The following FCHO1 variants were observed in gnomAD, a reference collection of about 807,000 sequenced individuals.
FCHO1 encodes F-BAR domain only protein 1.
A neutral mutation model predicts 114.4 loss-of-function variants in FCHO1; 45 were observed. That is an observed-to-expected ratio of 0.39 (90% CI 0.31 to 0.50). FCHO1 has a LOEUF of 0.50. Ranked by LOEUF, FCHO1 falls within the 20% of genes least tolerant of loss-of-function variation. FCHO1 has a pLI of 0.77. For synonymous variants in FCHO1, 480 were observed against 488.9 expected (o/e 0.98, Z 0.24); for missense variants, 1,042 against 1,209.6 (o/e 0.86, Z 2.06).
intron 6 of FCHO1, among the ~76,000 whole-genome samples, chr19:17,765,882 C>CTTTTT (rs397859350): frequency 3.5e-4 from 21 of 60,158 alleles, no homozygotes; most frequent in South Asian, 7.0e-4. Flanking sequence ...CTTAGTCACT[C>CTTTTT]TTTTTTTTTT....
intron 6 of FCHO1, among the ~76,000 whole-genome samples, chr19:17,766,299 G>C (rs921363287): frequency 6.6e-6 from 1 of 150,904 alleles, no homozygotes; most frequent in Non-Finnish European, 1.5e-5. Context: ...GCCACACCCA[G>C]CTAATTTTTG....
At chr19:17,774,928 T>A in intron 13 of FCHO1, 128 bp from the exon 14 acceptor site, 1 of 1,037,042 alleles carries the variant, frequency 9.6e-7, no homozygotes, top group Non-Finnish European at 1.5e-6. Context: ...CCACCGCCTC[T>A]AGGGCTAGCT....
intron 6 of FCHO1, 194 bp from the exon 7 acceptor site, chr19:17,766,475 A>G (rs2089214107): frequency 3.2e-6 from 2 of 626,022 alleles, no homozygotes; most frequent in Admixed American, 3.0e-5. Context: ...GGGAGGAGCT[A>G]TAGAGCTCCC....
chr19:17,757,790 C>A (rs1373496599), intron 4 of FCHO1, among the ~76,000 whole-genome samples: 1 of 151,774 alleles, frequency 6.6e-6, no homozygotes. Flanking sequence ...GTGGCGCGCA[C>A]CTGTGGTCCC....
chr19:17,765,834 G>A (rs1338238170), intron 6 of FCHO1, among the ~76,000 whole-genome samples: 4 of 151,750 alleles, frequency 2.6e-5, no homozygotes, highest in African/African-American at 9.7e-5. Flanking sequence ...TCTGCTGAGT[G>A]GGGCAGGCCA....
At chr19:17,770,634 G>C (rs2091223799) in intron 8 of FCHO1, 57 bp downstream of exon 8, 1 of 1,586,438 alleles carries the variant, frequency 6.3e-7, no homozygotes, top group Non-Finnish European at 8.6e-7. Context: ...GGGGCTGCCT[G>C]ATCAGAGAGT....
chr19:17,750,718 C>CA (rs1416088234), upstream of FCHO1, among the ~76,000 whole-genome samples: 3 of 152,050 alleles, frequency 2.0e-5, no homozygotes, highest in Admixed American at 1.3e-4. Flanking sequence ...CTCGGCCTCC[C>CA]AAAGTGCTGG....
intron 1 of FCHO1, among the ~76,000 whole-genome samples, chr19:17,752,885 G>C (rs1406824739): frequency 6.6e-6 from 1 of 151,990 alleles, no homozygotes; most frequent in African/African-American, 2.4e-5. Flanking sequence ...CTGGGTGACA[G>C]AGCAAGAACC....
chr19:17,767,254 A>C (rs1318624098), intron 7 of FCHO1, among the ~76,000 whole-genome samples: 1 of 151,864 alleles, frequency 6.6e-6, no homozygotes, highest in Admixed American at 6.6e-5. Context: ...GCTAATTTTT[A>C]AAAAATGTTT....
At position 17,770,897 on chromosome 19, in the gene FCHO1, G is replaced by A. The variant is rs1429793168; in HGVS notation, c.594+1G>A. The A allele has an allele frequency of 6.2e-7, 1 of 1,613,416 alleles. No individual in the cohort carries two copies. Among genetic ancestry groups the A allele is most frequent in the Non-Finnish European group, 8.5e-7 (1 of 1,179,620 alleles). On this transcript the variant is annotated splice_donor_variant, in intron 9 of 28. Coordinates refer to ENST00000596536, the MANE Select transcript of FCHO1 (RefSeq NM_015122.3). LOFTEE classifies it high-confidence loss of function. ...GCAGAAGATGCTGGACTCAGCCCTGGTAAGAACCAGGCATCTGTACCTTTA... is the reference window on the plus strand; with the variant it reads ...GCAGAAGATGCTGGACTCAGCCCTGATAAGAACCAGGCATCTGTACCTTTA...
rs774175615 is a variant in FCHO1 at position 17,775,967 on chromosome 19, C to T, written c.1004-16C>T. 1 of 1,603,844 alleles carries T rather than the reference C, an allele frequency of 6.2e-7. No homozygotes were observed. Among genetic ancestry groups the T allele is most frequent in the South Asian group, 1.1e-5 (1 of 90,852 alleles). On this transcript the variant is annotated splice_polypyrimidine_tract_variant and intron_variant, in intron 15 of 28. Transcript: ENST00000596536. This position sits in a 1 kb window ranked among gnomAD's most constrained non-coding sequence, Gnocchi z 5.1. Reference sequence around the variant, plus strand: ...AGCTTGTGTTGGGATTGGCTTGGACCTTGACTGCAGCCCACGCACGGCCGA... The same window carrying T: ...AGCTTGTGTTGGGATTGGCTTGGACTTTGACTGCAGCCCACGCACGGCCGA...
intron 6 of FCHO1, 96 bp from the exon 7 acceptor site, chr19:17,766,573 G>A (rs1953887796): frequency 6.8e-7 from 1 of 1,474,438 alleles, no homozygotes; most frequent in Non-Finnish European, 9.3e-7. Context: ...ATGTTTAGCA[G>A]GGCTCAGCGT....
chr19:17,748,114 C>T (rs1457421765), upstream of FCHO1, among the ~76,000 whole-genome samples: 1 of 152,162 alleles, frequency 6.6e-6, no homozygotes, highest in East Asian at 1.9e-4. Flanking sequence ...TATTCTAAGC[C>T]TAGGTCTGGG....
At chr19:17,782,508 G>A (rs2093515335) in intron 23 of FCHO1, among the ~76,000 whole-genome samples, 1 of 152,154 alleles carries the variant, frequency 6.6e-6, no homozygotes, top group African/African-American at 2.4e-5. Flanking sequence ...CCAGCCATAG[G>A]AGAGCATTTA....
chr19:17,775,602 C>A lies in FCHO1; in HGVS notation c.1003+89C>A. 1 of 1,206,942 alleles carries A rather than the reference C, an allele frequency of 8.3e-7. No homozygotes were observed. The highest frequency in any genetic ancestry group is 1.9e-4 in the Middle Eastern group (1 of 5,278). The allele number at this position is 1,206,942 out of a possible 1,614,324, so 74.8% of individuals were successfully genotyped here. On this transcript the variant is annotated intron_variant, in intron 15 of 28. Transcript: ENST00000596536. The surrounding 1 kb of genome is among the most constrained non-coding windows in gnomAD (Gnocchi z 5.1). ...ACCAGTCCACCTTCAGCAGTCCTCT[C>A]TGTGTACATCCTGGAGAGAGTCTCC...
chr19:17,768,745 CTG>C (rs2090343243), intron 7 of FCHO1, among the ~76,000 whole-genome samples: 1 of 150,432 alleles, frequency 6.6e-6, no homozygotes, highest in African/African-American at 2.5e-5. Context: ...AGGGGTCCTG[CTG>C]TGTTGCCCAG....
intron 4 of FCHO1, among the ~76,000 whole-genome samples, chr19:17,760,383 G>A (rs1036176409): frequency 3.9e-5 from 6 of 151,972 alleles, no homozygotes; most frequent in Non-Finnish European, 5.9e-5. Context: ...GCTTAGTAGT[G>A]TTCAGGCATG....
In FCHO1 at chr19:17,772,297, TAG is replaced by T. The variant is rs1045213547; in HGVS notation, c.595-157_595-156del. ...TCAGGAATGGAAGTGCCTTTTCCTG[TAG>T]AGTCAATGAAAGTCCTAGGGCAGAC... On this transcript the variant is annotated intron_variant, in intron 9 of 28. Transcript: ENST00000596536. Among the ~76,000 whole-genome samples, 19 of 152,292 alleles carry T rather than the reference TAG, an allele frequency of 1.2e-4. No individual in the cohort carries two copies. The South Asian group carries it at 2.7e-3, about 22-fold the overall frequency.
At chr19:17,783,985 C>A in intron 24 of FCHO1, 118 bp from the exon 25 acceptor site, 1 of 1,295,138 alleles carries the variant, frequency 7.7e-7, no homozygotes, top group Non-Finnish European at 1.1e-6. Context: ...CCAGGTAGGG[C>A]TTTGCTGGGC....
Sources: allele counts gnomAD v4.1 joint callset (sites outside exome capture counted in the v4.1 genomes callset), GRCh38; gene constraint gnomAD v4.1.1; non-coding constraint Gnocchi (gnomAD v3.1); transcripts MANE v1.5; gene names NCBI Gene and HGNC (gene_info 2026-07-23, HGNC 2026-07-21).